CSMD1: variants seen among roughly 807,000 people sequenced by gnomAD.
CSMD1 encodes CUB and sushi domain-containing protein 1.
Under a neutral mutation model 417.5 loss-of-function variants are expected in CSMD1, and 213 were observed. That is an observed-to-expected ratio of 0.51 (90% CI 0.46 to 0.57). The LOEUF is 0.57. CSMD1 is among the 20% of genes least tolerant of loss of function. The probability of loss-of-function intolerance (pLI) is 0.00; values close to 1 mark genes in which losing one functional copy is unlikely to be tolerated. For synonymous variants in CSMD1, 2,862 were observed against 1,736.8 expected (o/e 1.65, Z -16.11); for missense variants, 6,923 against 4,529.7 (o/e 1.53, Z -15.17).
chr8:3,867,914 T>A lies in CSMD1; in HGVS notation c.819-113872A>T, dbSNP rs533951695. Among the ~76,000 whole-genome samples, 6 of 152,124 alleles carry A rather than the reference T, an allele frequency of 3.9e-5. No homozygotes were observed. In the East Asian group the frequency reaches 5.8e-4, roughly 15 times the overall value. ...CCCAAGACTCTGTGTCACCTCCGCC[T>A]CCTGCCTGGACACCCTTACAGCCAA... On this transcript the variant is annotated intron_variant, in intron 5 of 69. Coordinates refer to ENST00000635120, the MANE Select transcript of CSMD1 (RefSeq NM_033225.6).
At chr8:3,964,658 G>T (rs61273955) in intron 5 of CSMD1, among the ~76,000 whole-genome samples, 1 of 152,130 alleles carries the variant, frequency 6.6e-6, no homozygotes, top group East Asian at 1.9e-4. Flanking sequence ...TCAAGTTGAG[G>T]TGTCTCTATA....
At chr8:4,073,839 T>A (rs569066380) in intron 3 of CSMD1, among the ~76,000 whole-genome samples, 4 of 152,240 alleles carry the variant, frequency 2.6e-5, no homozygotes, top group Admixed American at 1.3e-4. Flanking sequence ...TTGTTAATAG[T>A]TGGGTTTAAA....
chr8:4,313,612 T>C (rs550479236), intron 3 of CSMD1, among the ~76,000 whole-genome samples: 1 of 152,212 alleles, frequency 6.6e-6, no homozygotes, highest in East Asian at 1.9e-4. Flanking sequence ...CTGTCTGTTT[T>C]AAACATGCAG....
rs779091673 is a variant in CSMD1 at position 2,949,371 on chromosome 8, C to T, written c.10330G>A (p.Glu3444Lys). The T allele has an allele frequency of 6.3e-7, 1 of 1,598,590 alleles. No homozygotes were observed. The highest frequency in any genetic ancestry group is 8.5e-7 in the Non-Finnish European group (1 of 1,171,896). Residue 3444 changes from glutamate (E) to lysine (K), a missense_variant, in exon 68 of 70, where the codon GAA becomes AAA. Transcript: ENST00000635120. The stretch of plus-strand genomic sequence containing the variant: ...CCTTGAAAAGTAAATCCTCCTCTTT[C>T]AAGTCCAGATGACACCTGACACATA... The part of the protein sequence containing the change: ...GLDGYVSSGL[E>K]RGGFTFQGDI...
intron 1 of CSMD1, among the ~76,000 whole-genome samples, chr8:4,686,595 TC>T (rs1278874341): frequency 2.0e-5 from 3 of 152,250 alleles, no homozygotes; most frequent in African/African-American, 7.2e-5. Flanking sequence ...CTTCGTCCAG[TC>T]TCACGTCCCG....
chr8:4,024,918 A>T (rs562810247), intron 4 of CSMD1, among the ~76,000 whole-genome samples: 1 of 150,650 alleles, frequency 6.6e-6, no homozygotes, highest in East Asian at 1.9e-4. Context: ...AAAGCATGTA[A>T]AAAGGTGGTG....
chr8:3,581,990 T>C (rs987371572), intron 9 of CSMD1, among the ~76,000 whole-genome samples: 6 of 152,162 alleles, frequency 3.9e-5, no homozygotes, highest in African/African-American at 1.4e-4. Context: ...AGACAGAGTT[T>C]CACTATGTTG....
intron 7 of CSMD1, chr8:3,704,592 A>G (rs1399544141): frequency 6.6e-6 from 1 of 152,350 alleles, no homozygotes; most frequent in South Asian, 2.1e-4. Flanking sequence ...GCAGCAACCC[A>G]TTTGAGATCC....
chr8:4,987,990 T>C (rs1004992530), intron 1 of CSMD1, among the ~76,000 whole-genome samples: 1 of 152,204 alleles, frequency 6.6e-6, no homozygotes, highest in African/African-American at 2.4e-5. Flanking sequence ...TGACAGCCTA[T>C]TGTGGGAATT....
chr8:3,265,940 G>C (rs1266952724), intron 26 of CSMD1, among the ~76,000 whole-genome samples: 1 of 151,902 alleles, frequency 6.6e-6, no homozygotes, highest in Non-Finnish European at 1.5e-5. Context: ...GCCAGGGAAA[G>C]GGGTCCAGTT....
chr8:4,637,072 C>G (rs139208865), intron 2 of CSMD1, among the ~76,000 whole-genome samples: 2 of 152,110 alleles, frequency 1.3e-5, no homozygotes, highest in Non-Finnish European at 2.9e-5. Context: ...AGCAGCCCAA[C>G]GGGTTGGTCT....
chr8:3,315,783 A>G (rs919215919), intron 23 of CSMD1, among the ~76,000 whole-genome samples: 2 of 152,158 alleles, frequency 1.3e-5, no homozygotes, highest in Non-Finnish European at 2.9e-5. Flanking sequence ...TATTTTTTGG[A>G]ACTGTCTTAT....
chr8:3,768,510 A>G (rs2129058097), intron 5 of CSMD1, among the ~76,000 whole-genome samples: 1 of 152,368 alleles, frequency 6.6e-6, no homozygotes. Context: ...CAAGAATATA[A>G]AATAGCATGA....
intron 6 of CSMD1, among the ~76,000 whole-genome samples, chr8:3,740,471 G>A (rs1234943791): frequency 6.6e-5 from 10 of 152,160 alleles, no homozygotes; most frequent in Non-Finnish European, 1.2e-4. Flanking sequence ...CTCAGAAGTG[G>A]GAGCCATCCT....
In CSMD1 at chr8:4,093,965, A is replaced by AATAGATAGATACATAGATAG. The variant is rs1554445798; in HGVS notation, c.416-61867_416-61866insCTATCTATGTATCTATCTAT. Among the ~76,000 whole-genome samples the AATAGATAGATACATAGATAG allele has an allele frequency of 5.7e-4, 78 of 136,954 alleles. 1 individual carries two copies. Among genetic ancestry groups the AATAGATAGATACATAGATAG allele is most frequent in the Non-Finnish European group, 1.0e-3 (66 of 63,234 alleles). 89.8% of individuals were successfully genotyped at this position (136,954 alleles called of 152,430 possible). The stretch of plus-strand genomic sequence containing the variant: ...AAAGAGTGACTGAGACTACATCTCA[A>AATAGATAGATACATAGATAG]ATAGATAGATAGATAGATAGATAGA... On this transcript the variant is annotated intron_variant, in intron 3 of 69. Transcript: ENST00000635120.
chr8:4,877,972 T>C (rs923702747), intron 1 of CSMD1, among the ~76,000 whole-genome samples: 1 of 151,730 alleles, frequency 6.6e-6, no homozygotes, highest in Non-Finnish European at 1.5e-5. Context: ...CAAACACATA[T>C]GTATGTGCAC....
At chr8:3,331,237 C>CAAAAA (rs112278319) in intron 23 of CSMD1, among the ~76,000 whole-genome samples, 14 of 128,528 alleles carry the variant, frequency 1.1e-4, no homozygotes, top group Admixed American at 1.6e-4. Flanking sequence ...GACTCCGTCT[C>CAAAAA]AAAAAAAAAA....
intron 50 of CSMD1, among the ~76,000 whole-genome samples, chr8:3,030,642 G>T (rs1394184196): frequency 2.6e-5 from 4 of 151,836 alleles, no homozygotes; most frequent in African/African-American, 9.7e-5. Context: ...CCACCACCAT[G>T]CCCAGCTAAT....
chr8:4,412,632 A>G (rs1455425854), intron 3 of CSMD1, among the ~76,000 whole-genome samples: 1 of 152,226 alleles, frequency 6.6e-6, no homozygotes, highest in African/African-American at 2.4e-5. Flanking sequence ...GTCTATTCCA[A>G]CGGAATCAGA....
Sources: gnomAD v4.1 joint callset for allele counts (sites outside exome capture counted in the v4.1 genomes callset) on GRCh38, gnomAD v4.1.1 for gene constraint, MANE v1.5 for transcripts, NCBI Gene and HGNC (gene_info 2026-07-23, HGNC 2026-07-21) for gene names.